The following XPR1 variants were observed in gnomAD, a reference collection of about 807,000 sequenced individuals.
The protein encoded by XPR1 is xenotropic and polytropic retrovirus receptor 1, also known as solute carrier family 53 member 1.
XPR1 carries 28 observed loss-of-function variants against 87.5 expected under a neutral mutation model. The observed-to-expected ratio is 0.32, with a 90% CI of 0.24 to 0.44. XPR1 has a LOEUF of 0.44. Ranked by LOEUF, XPR1 falls within the 20% of genes least tolerant of loss-of-function variation. The pLI is 1.00. For synonymous variants in XPR1, 300 were observed against 306.1 expected, an observed-to-expected ratio of 0.98 and a Z score of 0.21; for missense variants, 559 against 862.3, an observed-to-expected ratio of 0.65 and a Z score of 4.41.
At chr1:180,882,388 C>T (rs1303299490) in intron 14 of XPR1, among the ~76,000 whole-genome samples, 4 of 152,080 alleles carry the variant, frequency 2.6e-5, no homozygotes, top group African/African-American at 9.7e-5. Context: ...GTATCTCGCT[C>T]CGTTGCCCAG....
At chr1:180,754,119 C>T (rs1162198150) in intron 2 of XPR1, among the ~76,000 whole-genome samples, 1 of 152,162 alleles carries the variant, frequency 6.6e-6, no homozygotes, top group African/African-American at 2.4e-5. Flanking sequence ...TCTTCATTGC[C>T]ATATGACTAT....
chr1:180,845,687 A>G (rs1651657021), intron 11 of XPR1, among the ~76,000 whole-genome samples: 1 of 152,124 alleles, frequency 6.6e-6, no homozygotes, highest in African/African-American at 2.4e-5. Context: ...TGCCCAGCTA[A>G]TTTTTATTAT....
chr1:180,853,797 T>TG (rs1553253922), intron 11 of XPR1, among the ~76,000 whole-genome samples: 3 of 150,366 alleles, frequency 2.0e-5, no homozygotes, highest in Non-Finnish European at 4.4e-5. Flanking sequence ...TGTGGTTTTT[T>TG]TTTTTTTTTT....
intron 11 of XPR1, among the ~76,000 whole-genome samples, chr1:180,851,531 G>T (rs1028183244): frequency 1.3e-5 from 2 of 152,194 alleles, no homozygotes; most frequent in Non-Finnish European, 2.9e-5. Flanking sequence ...GAAAGGTATG[G>T]TGTAAACAAT....
chr1:180,743,126 G>A (rs751895300), intron 2 of XPR1, among the ~76,000 whole-genome samples: 1 of 151,012 alleles, frequency 6.6e-6, no homozygotes, highest in Non-Finnish European at 1.5e-5. Flanking sequence ...TATGTTTAAT[G>A]TAATGATTGT....
intron 7 of XPR1, among the ~76,000 whole-genome samples, chr1:180,824,545 C>T (rs887264115): frequency 2.0e-5 from 3 of 152,074 alleles, no homozygotes; most frequent in Non-Finnish European, 4.4e-5. Context: ...CACGCCATTG[C>T]ACTCCAGCCT....
At chr1:180,724,019 A>G (rs1464981639) in intron 2 of XPR1, among the ~76,000 whole-genome samples, 1 of 152,228 alleles carries the variant, frequency 6.6e-6, no homozygotes, top group African/African-American at 2.4e-5. Context: ...ATATGTTAAT[A>G]CTTAGTTTAA....
At chr1:180,696,885 T>C (rs986821511) in intron 2 of XPR1, among the ~76,000 whole-genome samples, 3 of 152,184 alleles carry the variant, frequency 2.0e-5, no homozygotes, top group Non-Finnish European at 4.4e-5. Flanking sequence ...GGATTTTGTT[T>C]GTTAATATTT....
intron 2 of XPR1, among the ~76,000 whole-genome samples, chr1:180,683,054 G>T (rs1407729848): frequency 6.6e-6 from 1 of 151,990 alleles, no homozygotes; most frequent in Non-Finnish European, 1.5e-5. Context: ...CATGTGCCAT[G>T]TTGGTGTGCT....
At chr1:180,860,947 C>T (rs1652199915) in intron 11 of XPR1, among the ~76,000 whole-genome samples, 1 of 152,024 alleles carries the variant, frequency 6.6e-6, no homozygotes, top group African/African-American at 2.4e-5. Context: ...CTTTTAGTTT[C>T]ATTATTAATT....
At chr1:180,753,478 C>G (rs973161858) in intron 2 of XPR1, among the ~76,000 whole-genome samples, 3 of 151,592 alleles carry the variant, frequency 2.0e-5, no homozygotes, top group African/African-American at 7.3e-5. Flanking sequence ...GGCTTGAGCC[C>G]AGGAGGCGGA....
At chr1:180,855,153 CTAAAGT>C (rs1250894810) in intron 11 of XPR1, among the ~76,000 whole-genome samples, 3 of 151,942 alleles carry the variant, frequency 2.0e-5, no homozygotes, top group Non-Finnish European at 4.4e-5. Flanking sequence ...TTGCTCTACT[CTAAAGT>C]TAAATTCTTT....
chr1:180,777,731 T>C (rs1648777749), intron 2 of XPR1, among the ~76,000 whole-genome samples: 1 of 152,218 alleles, frequency 6.6e-6, no homozygotes, highest in Non-Finnish European at 1.5e-5. Context: ...AATCACACTC[T>C]TAAAAAAACA....
At chr1:180,704,277 T>TA (rs59197475) in intron 2 of XPR1, among the ~76,000 whole-genome samples, 3,783 of 135,908 alleles carry the variant, frequency 0.028, 169 homozygotes, top group African/African-American at 0.059. Context: ...TATATATATA[T>TA]TATCAGATTA....
intron 12 of XPR1, among the ~76,000 whole-genome samples, chr1:180,872,787 C>T (rs933834298): frequency 1.3e-5 from 2 of 151,462 alleles, no homozygotes; most frequent in African/African-American, 4.9e-5. Flanking sequence ...CTGCGTCGCT[C>T]ACGCTGGGAG....
At chr1:180,640,998 A>G (rs1330882547) in intron 1 of XPR1, among the ~76,000 whole-genome samples, 1 of 152,216 alleles carries the variant, frequency 6.6e-6, no homozygotes, top group African/African-American at 2.4e-5. Flanking sequence ...AGTTAACACA[A>G]TCACCCTGAT....
chr1:180,675,015 T>G (rs1365882117), intron 1 of XPR1, among the ~76,000 whole-genome samples: 1 of 152,212 alleles, frequency 6.6e-6, no homozygotes, highest in Non-Finnish European at 1.5e-5. Flanking sequence ...GATTTTACTG[T>G]TATATGAGTT....
chr1:180,793,390 C>G (rs1649457679), intron 3 of XPR1, among the ~76,000 whole-genome samples: 1 of 151,782 alleles, frequency 6.6e-6, no homozygotes, highest in Admixed American at 6.6e-5. Flanking sequence ...TCATGAGAAT[C>G]TTTTACACTG....
At chr1:180,716,057 C>G (rs1413751038) in intron 2 of XPR1, among the ~76,000 whole-genome samples, 3 of 152,122 alleles carry the variant, frequency 2.0e-5, no homozygotes, top group African/African-American at 7.2e-5. Flanking sequence ...TGGACAATCC[C>G]TAGAGTGGAA....
Sources: allele counts gnomAD v4.1 joint callset (sites outside exome capture counted in the v4.1 genomes callset), GRCh38; gene constraint gnomAD v4.1.1; transcripts MANE v1.5; gene names NCBI Gene and HGNC (gene_info 2026-07-23, HGNC 2026-07-21).